Variants in CECR2 observed in about 807,000 individuals in gnomAD.
CECR2 encodes the protein chromatin remodeling regulator CECR2.
CECR2 carries 30 observed loss-of-function variants against 154.5 expected under a neutral mutation model. The ratio of observed to expected loss-of-function variants is 0.19; its 90% CI spans 0.15 to 0.26. The LOEUF (loss-of-function observed/expected upper bound fraction) is 0.26, where lower values mean the gene tolerates loss of function less well. Ranked by LOEUF, CECR2 falls within the 10% of genes least tolerant of loss-of-function variation. CECR2 has a pLI of 1.00. For missense variants in CECR2, 1,743 were observed against 1,829.3 expected (o/e 0.95, Z 0.86); for synonymous variants, 725 against 683.7 (o/e 1.06, Z -0.94).
intron 9 of CECR2, among the ~76,000 whole-genome samples, chr22:17,528,004 T>A (rs2056293644): frequency 6.6e-6 from 1 of 152,202 alleles, no homozygotes; most frequent in Admixed American, 6.5e-5. Flanking sequence ...TAGATGTTCC[T>A]TAGAAAACTA....
At chr22:17,430,578 C>T (rs2054406112) in intron 1 of CECR2, among the ~76,000 whole-genome samples, 1 of 152,340 alleles carries the variant, frequency 6.6e-6, no homozygotes, top group South Asian at 2.1e-4. Flanking sequence ...TGCCAGCTTT[C>T]TCTCTGGGTT....
intron 1 of CECR2, among the ~76,000 whole-genome samples, chr22:17,434,627 A>C (rs1601351363): frequency 2.2e-4 from 26 of 120,446 alleles, no homozygotes; most frequent in South Asian, 6.2e-4. Context: ...AGAACCCCCC[A>C]CTCTTTTTAT....
At position 17,506,427 on chromosome 22, in the gene CECR2, C is replaced by T. The variant is rs544567739; in HGVS notation, c.870+1411C>T. Among the ~76,000 whole-genome samples the T allele has an allele frequency of 7.0e-4, 106 of 152,202 alleles. 1 individual carries two copies. The South Asian group carries it at 0.013, about 18-fold the overall frequency. On this transcript the variant is annotated intron_variant, in intron 7 of 18. Transcript: ENST00000262608. ...CAGGTGTGAGCCACCACACCTGGCC[C>T]CCTCTCTACTTCCTTACCCATTTAA...
intron 1 of CECR2, among the ~76,000 whole-genome samples, chr22:17,443,514 C>A (rs918040245): frequency 2.6e-5 from 4 of 152,052 alleles, no homozygotes; most frequent in Non-Finnish European, 4.4e-5. Flanking sequence ...CATATTCAGT[C>A]CCAGGAGTTT....
intron 1 of CECR2, among the ~76,000 whole-genome samples, chr22:17,382,230 T>TGA (rs752585007): frequency 2.0e-5 from 3 of 151,956 alleles, no homozygotes; most frequent in African/African-American, 4.8e-5. Flanking sequence ...AAAAAGAGGT[T>TGA]GAGAGAGAGA....
At chr22:17,544,497 C>CAAAAAAAAAAAAAA in intron 16 of CECR2, among the ~76,000 whole-genome samples, 1 of 57,394 alleles carries the variant, frequency 1.7e-5, no homozygotes, top group Middle Eastern at 0.019. Flanking sequence ...GACTCCATCT[C>CAAAAAAAAAAAAAA]AAAAAAAAAA....
At position 17,524,115 on chromosome 22, in the gene CECR2, C is replaced by A; in HGVS notation, c.955-3C>A. 6.3e-7 allele frequency: 1 copy of A among 1,580,562 alleles called. No individual in the cohort carries two copies. The highest frequency in any genetic ancestry group is 2.3e-5 in the East Asian group (1 of 43,264). The stretch of plus-strand genomic sequence containing the variant: ...ACCGGATGTGCTCATTGGCTCCTCA[C>A]AGGAGACTCCTGTGCTGACCAGAAT... On this transcript the variant is annotated splice_polypyrimidine_tract_variant and splice_region_variant and intron_variant, in intron 8 of 18. Transcript: ENST00000262608.
At position 17,549,368 on chromosome 22, in the gene CECR2, A is replaced by G. The variant is rs1316177455; in HGVS notation, c.4081A>G (p.Arg1361Gly). 1.5e-5 allele frequency: 25 copies of G among 1,613,752 alleles called. No individual in the cohort carries two copies. Among genetic ancestry groups the G allele is most frequent in the Non-Finnish European group, 1.9e-5 (22 of 1,179,868 alleles). ...PQRPASHFQP[R>G]AYSSPVAALP... The stretch of plus-strand genomic sequence containing the variant: ...GCGGCCGGCCAGTCACTTTCAGCCC[A>G]GGGCTTACTCTTCCCCTGTGGCTGC... The change falls in exon 17 of 19, where the codon AGG (arginine) becomes GGG (glycine). Residue 1361 changes from arginine (R) to glycine (G), a missense_variant. By Grantham distance (125) the Arg-to-Gly change is moderately radical (BLOSUM62 -2). Around this residue, in one of 4 missense-constraint regions of CECR2, gnomAD observed 1,250 missense variants for 1,192.1 expected, o/e 1.05. Coordinates refer to ENST00000262608, the MANE Select transcript of CECR2 (RefSeq NM_001290047.2).
chr22:17,390,825 CTT>C (rs1267788485), intron 1 of CECR2, among the ~76,000 whole-genome samples: 1 of 137,266 alleles, frequency 7.3e-6, no homozygotes, highest in African/African-American at 3.3e-5. Flanking sequence ...TATAAAAAGA[CTT>C]TGATTTTTTT....
chr22:17,461,916 C>G (rs1177997123), intron 1 of CECR2, among the ~76,000 whole-genome samples: 3 of 151,780 alleles, frequency 2.0e-5, no homozygotes, highest in African/African-American at 7.3e-5. Context: ...CCTCAGACTC[C>G]TCAGCAGCTG....
chr22:17,480,757 C>T (rs1028857096), intron 2 of CECR2, among the ~76,000 whole-genome samples: 2 of 152,042 alleles, frequency 1.3e-5, no homozygotes, highest in Non-Finnish European at 2.9e-5. Context: ...TACTTAATTT[C>T]GGCCGGGCGC....
chr22:17,504,882 C>T lies in CECR2; in HGVS notation c.736C>T (p.Leu246=). The T allele has an allele frequency of 1.9e-6, 3 of 1,613,884 alleles. No homozygotes were observed. Among genetic ancestry groups the T allele is most frequent in the Non-Finnish European group, 2.5e-6 (3 of 1,179,838 alleles). The change falls in exon 7 of 19, where the codon CTG becomes TTG. Residue 246 remains leucine, a synonymous_variant. Transcript: ENST00000262608. ...QGPGQGTWWL[L]CQTEEEWRQV... is the part of the protein sequence containing the mutation. Reference sequence around the variant, plus strand: ...GCCAGGCCAAGGTACTTGGTGGCTCCTGTGCCAGACAGAAGAGGAATGGAG... The same window carrying T: ...GCCAGGCCAAGGTACTTGGTGGCTCTTGTGCCAGACAGAAGAGGAATGGAG...
At chr22:17,549,637 G>C in intron 17 of CECR2, 73 bp downstream of exon 17, 7 of 1,297,318 alleles carry the variant, frequency 5.4e-6, no homozygotes, top group Non-Finnish European at 7.4e-6. Flanking sequence ...TTTTGAGACA[G>C]AGTCTCACTT....
intron 3 of CECR2, among the ~76,000 whole-genome samples, chr22:17,498,839 C>G (rs1465508162): frequency 6.6e-6 from 1 of 152,122 alleles, no homozygotes; most frequent in Non-Finnish European, 1.5e-5. Flanking sequence ...TGGATTCTCT[C>G]TTTTTTGAAA....
intron 1 of CECR2, among the ~76,000 whole-genome samples, chr22:17,372,748 C>T (rs1321594522): frequency 3.3e-5 from 5 of 152,222 alleles, no homozygotes; most frequent in African/African-American, 1.2e-4. Context: ...AAGGGCCCTA[C>T]AGTCTTAATT....
intron 1 of CECR2, among the ~76,000 whole-genome samples, chr22:17,420,926 A>G (rs1477173323): frequency 6.6e-6 from 1 of 152,110 alleles, no homozygotes; most frequent in Non-Finnish European, 1.5e-5. Context: ...CCACATTGAG[A>G]GGTATTATGA....
chr22:17,368,917 A>T (rs375526846), upstream of CECR2, among the ~76,000 whole-genome samples: 1 of 152,010 alleles, frequency 6.6e-6, no homozygotes, highest in African/African-American at 2.4e-5. Context: ...TCGGAGAAAA[A>T]AGCCACTTCA....
intron 1 of CECR2, among the ~76,000 whole-genome samples, chr22:17,414,439 CA>C (rs2054123660): frequency 6.7e-6 from 1 of 149,060 alleles, no homozygotes; most frequent in South Asian, 2.1e-4. Context: ...GTAATTTTCT[CA>C]CTCAGTTTCT....
chr22:17,367,526 CG>C (rs1009695093), upstream of CECR2, among the ~76,000 whole-genome samples: 24 of 152,058 alleles, frequency 1.6e-4, no homozygotes, highest in African/African-American at 4.3e-4. Flanking sequence ...GCTGGGACTA[CG>C]GGCGCCTGCC....
Sources: allele counts gnomAD v4.1 joint callset (sites outside exome capture counted in the v4.1 genomes callset), GRCh38; gene constraint gnomAD v4.1.1; regional missense constraint gnomAD v4.1.1; transcripts MANE v1.5; gene names NCBI Gene and HGNC (gene_info 2026-07-23, HGNC 2026-07-21).